The following GRIA1 variants were observed in gnomAD, a reference collection of about 807,000 sequenced individuals.
The protein encoded by GRIA1 is glutamate ionotropic receptor AMPA type subunit 1.
GRIA1 carries 31 observed loss-of-function variants against 99.2 expected under a neutral mutation model. That is an observed-to-expected ratio of 0.31 (90% CI 0.23 to 0.42). The LOEUF is 0.42. Among genes scored for constraint, GRIA1 ranks in the 10% least tolerant of loss-of-function variants. The pLI, the probability that GRIA1 is intolerant of heterozygous loss-of-function variation, is 1.00. For synonymous variants in GRIA1, 438 were observed against 432.4 expected (o/e 1.01, Z -0.16); for missense variants, 782 against 1,157.5 (o/e 0.68, Z 4.71).
chr5:153,650,636 A>G (rs1754495334), intron 4 of GRIA1, 122 bp downstream of exon 4: 2 of 816,226 alleles, frequency 2.5e-6, no homozygotes, highest in South Asian at 4.0e-5. Context: ...GGTGAGACTA[A>G]AAGACCTCTA....
At chr5:153,625,482 C>T (rs1767509329) in intron 2 of GRIA1, among the ~76,000 whole-genome samples, 1 of 152,126 alleles carries the variant, frequency 6.6e-6, no homozygotes, top group African/African-American at 2.4e-5. Flanking sequence ...AAGCACCATA[C>T]GGGGCACTGC....
At position 153,501,109 on chromosome 5, in the gene GRIA1, C is replaced by T. The variant is rs117660181; in HGVS notation, c.220+7044C>T. On this transcript the variant is annotated intron_variant, in intron 2 of 15. Transcript: ENST00000285900. ...TAAGGAAAGCTCTAGACTTCCCTTC[C>T]ACCAACTTGCACATTCAGGGCGCAT... Among the ~76,000 whole-genome samples the T allele has an allele frequency of 2.0e-4, 31 of 152,308 alleles. No homozygotes were observed. The East Asian group carries it at 4.8e-3, about 24-fold the overall frequency.
At chr5:153,639,997 G>A (rs993027025) in intron 2 of GRIA1, among the ~76,000 whole-genome samples, 2 of 152,206 alleles carry the variant, frequency 1.3e-5, no homozygotes, top group South Asian at 2.1e-4. Context: ...GTTCACAGAC[G>A]TGCTTCTTTG....
At chr5:153,704,283 G>T (rs1013629852) in intron 10 of GRIA1, among the ~76,000 whole-genome samples, 2 of 152,234 alleles carry the variant, frequency 1.3e-5, no homozygotes, top group African/African-American at 4.8e-5. Context: ...ATAAGAGAAA[G>T]CCATTTGCCT....
intron 13 of GRIA1, among the ~76,000 whole-genome samples, chr5:153,783,160 C>T (rs1035596296): frequency 6.6e-6 from 1 of 152,190 alleles, no homozygotes; most frequent in Non-Finnish European, 1.5e-5. Flanking sequence ...ACCTGCTGGC[C>T]TCCCCTGCAT....
intron 11 of GRIA1, among the ~76,000 whole-genome samples, chr5:153,726,835 G>A (rs911653920): frequency 6.6e-6 from 1 of 152,154 alleles, no homozygotes; most frequent in African/African-American, 2.4e-5. Flanking sequence ...CATTCCTTCT[G>A]AAACTATTCC....
intron 11 of GRIA1, among the ~76,000 whole-genome samples, chr5:153,730,612 A>T (rs1760934068): frequency 6.6e-6 from 1 of 152,118 alleles, no homozygotes; most frequent in South Asian, 2.1e-4. Context: ...ACTGAATGTT[A>T]CACAGAAAAT....
intron 2 of GRIA1, among the ~76,000 whole-genome samples, chr5:153,621,838 A>C (rs1474956970): frequency 1.3e-5 from 2 of 152,234 alleles, no homozygotes; most frequent in South Asian, 4.1e-4. Context: ...TGCAAGTTCC[A>C]TCAGCAAAAT....
In GRIA1 at chr5:153,732,105, A is replaced by G. The variant is rs143226530; in HGVS notation, c.1823+26038A>G. On this transcript the variant is annotated intron_variant, in intron 11 of 15. Transcript: ENST00000285900. The stretch of plus-strand genomic sequence containing the variant: ...TTTTAAGGCTGAATATATATACCAC[A>G]TTTTCTTTTTCATTCATCCATCCAT... 8.7e-3 allele frequency among the ~76,000 whole-genome samples: 1,324 copies of G among 151,878 alleles called. 7 individuals carry two copies. Among genetic ancestry groups the G allele is most frequent in the South Asian group, 0.014 (67 of 4,796 alleles).
chr5:153,636,645 CTG>C (rs1561714280), intron 2 of GRIA1, among the ~76,000 whole-genome samples: 1 of 152,170 alleles, frequency 6.6e-6, no homozygotes, highest in African/African-American at 2.4e-5. Context: ...GTTGGAATGC[CTG>C]TGTTTGGATT....
At chr5:153,676,841 C>T (rs1216283987) in intron 6 of GRIA1, among the ~76,000 whole-genome samples, 153 bp from the exon 7 acceptor site, 1 of 152,106 alleles carries the variant, frequency 6.6e-6, no homozygotes, top group African/African-American at 2.4e-5. Flanking sequence ...GGACACCATC[C>T]CTGATTCACC....
intron 2 of GRIA1, among the ~76,000 whole-genome samples, chr5:153,513,723 G>T (rs1756332342): frequency 6.6e-6 from 1 of 152,158 alleles, no homozygotes; most frequent in Non-Finnish European, 1.5e-5. Flanking sequence ...AGATCATAAA[G>T]AGTAGTGATT....
chr5:153,571,861 C>A (rs1318707972), intron 2 of GRIA1, among the ~76,000 whole-genome samples: 1 of 152,136 alleles, frequency 6.6e-6, no homozygotes, highest in African/African-American at 2.4e-5. Context: ...GGGCTGTTGA[C>A]CCATGCCTCA....
rs142490644 is a variant in GRIA1 at position 153,751,264 on chromosome 5, CA to C, written c.1824-13168del. The stretch of plus-strand genomic sequence containing the variant: ...CTCTGCTTTCTCTCTAAGGATCACA[CA>C]ATAATAATTTTCAAACAAATAATGG... On this transcript the variant is annotated intron_variant, in intron 11 of 15. Transcript: ENST00000285900. Among the ~76,000 whole-genome samples the C allele has an allele frequency of 6.0e-3, 920 of 152,336 alleles. 10 individuals carry two copies. The highest frequency in any genetic ancestry group is 0.021 in the African/African-American group (879 of 41,578).
intron 11 of GRIA1, among the ~76,000 whole-genome samples, chr5:153,717,235 T>C (rs1581527265): frequency 6.6e-6 from 1 of 152,028 alleles, no homozygotes; most frequent in African/African-American, 2.4e-5. Context: ...AGTGCTAGAG[T>C]TCTTCTACGA....
chr5:153,802,065 T>A (rs1766075495), intron 14 of GRIA1, among the ~76,000 whole-genome samples: 1 of 152,092 alleles, frequency 6.6e-6, no homozygotes, highest in African/African-American at 2.4e-5. Context: ...AAATTTCTTG[T>A]GATATCTCTC....
chr5:153,540,984 C>T (rs907463256), intron 2 of GRIA1, among the ~76,000 whole-genome samples: 19 of 152,140 alleles, frequency 1.2e-4, no homozygotes, highest in African/African-American at 4.6e-4. Context: ...GCAGGCAGTA[C>T]CCAAAACCTG....
chr5:153,774,532 G>C (rs1764097774), intron 13 of GRIA1, among the ~76,000 whole-genome samples: 1 of 152,224 alleles, frequency 6.6e-6, no homozygotes, highest in Admixed American at 6.5e-5. Context: ...CAAAGGTAGG[G>C]TTTTTGCAGC....
chr5:153,796,324 C>T (rs1256540694), intron 14 of GRIA1, among the ~76,000 whole-genome samples: 1 of 152,118 alleles, frequency 6.6e-6, no homozygotes, highest in Non-Finnish European at 1.5e-5. Flanking sequence ...TCACGTGTTC[C>T]TTTAAAGCTA....
Sources: gnomAD v4.1 joint callset for allele counts (sites outside exome capture counted in the v4.1 genomes callset) on GRCh38, gnomAD v4.1.1 for gene constraint, MANE v1.5 for transcripts, NCBI Gene and HGNC (gene_info 2026-07-23, HGNC 2026-07-21) for gene names.